THSD7B: variants seen among roughly 807,000 people sequenced by gnomAD.
THSD7B encodes the protein thrombospondin type-1 domain-containing protein 7B.
Under a neutral mutation model 213.6 loss-of-function variants are expected in THSD7B, and 138 were observed. The ratio of observed to expected loss-of-function variants is 0.65; its 90% CI spans 0.56 to 0.74. THSD7B has a LOEUF of 0.74. Among genes scored for constraint, THSD7B ranks in the 30% least tolerant of loss-of-function variants. The pLI, the probability that THSD7B is intolerant of heterozygous loss-of-function variation, is 0.00. For synonymous variants in THSD7B, 742 were observed against 687.0 expected, an observed-to-expected ratio of 1.08 and a Z score of -1.25; for missense variants, 1,931 against 1,991.5, an observed-to-expected ratio of 0.97 and a Z score of 0.58.
At chr2:137,636,729 T>C (rs1174278336) in intron 20 of THSD7B, among the ~76,000 whole-genome samples, 1 of 152,322 alleles carries the variant, frequency 6.6e-6, no homozygotes, top group East Asian at 1.9e-4. Context: ...CTCAGAAGAG[T>C]TAAAGTACTT....
intron 3 of THSD7B, among the ~76,000 whole-genome samples, chr2:137,065,573 A>G (rs1687359901): frequency 1.3e-5 from 2 of 152,070 alleles, no homozygotes; most frequent in South Asian, 2.1e-4. Context: ...GTTGTTTTCA[A>G]GATCTTAAAG....
intron 15 of THSD7B, among the ~76,000 whole-genome samples, chr2:137,524,549 T>C (rs1486629558): frequency 1.3e-5 from 2 of 152,162 alleles, no homozygotes; most frequent in Non-Finnish European, 2.9e-5. Context: ...TTTGCCAAAC[T>C]AATGTTACAG....
At chr2:136,903,960 GTGTGTGTGTGTGTT>G (rs138148989) in intron 2 of THSD7B, among the ~76,000 whole-genome samples, 9,122 of 75,852 alleles carry the variant, frequency 0.12, 404 homozygotes, top group Middle Eastern at 0.31. Flanking sequence ...GTGTGTGTGT[GTGTGTGTGTGTGTT>G]TGTTTGTTTC....
chr2:137,340,639 A>G (rs974686438), intron 12 of THSD7B, among the ~76,000 whole-genome samples: 6 of 151,686 alleles, frequency 4.0e-5, no homozygotes, highest in Non-Finnish European at 7.4e-5. Context: ...TATGGGTTCA[A>G]TTGTTTTAGA....
chr2:137,598,516 A>G (rs1303004144), intron 17 of THSD7B, among the ~76,000 whole-genome samples: 2 of 152,206 alleles, frequency 1.3e-5, no homozygotes, highest in East Asian at 1.9e-4. Context: ...TGGCTTGTAC[A>G]GTAAGTTAGC....
At chr2:137,536,838 G>T (rs1026061739) in intron 15 of THSD7B, among the ~76,000 whole-genome samples, 1 of 151,504 alleles carries the variant, frequency 6.6e-6, no homozygotes. Flanking sequence ...ATTTATTGCC[G>T]CATAGAAATT....
chr2:137,670,920 C>CA lies in THSD7B; in HGVS notation c.4739+3090dup, dbSNP rs530737012. On this transcript the variant is annotated intron_variant, in intron 27 of 27. Transcript: ENST00000409968. Reference sequence around the variant, plus strand: ...TGGGCGACAGAGTGAGACTCCGCCTCAAAAAAAAAAAAAAAAAAAAAAAAA... The same window carrying CA: ...TGGGCGACAGAGTGAGACTCCGCCTCAAAAAAAAAAAAAAAAAAAAAAAAAA... 1.5e-3 allele frequency among the ~76,000 whole-genome samples: 155 copies of CA among 102,798 alleles called. 5 individuals carry two copies. Among genetic ancestry groups the CA allele is most frequent in the African/African-American group, 5.4e-3 (143 of 26,588 alleles). 67.4% of individuals were successfully genotyped at this position (102,798 alleles called of 152,430 possible).
At chr2:137,434,777 G>C (rs1005908931) in intron 14 of THSD7B, among the ~76,000 whole-genome samples, 6 of 152,068 alleles carry the variant, frequency 3.9e-5, no homozygotes, top group African/African-American at 1.2e-4. Context: ...GATGATGTAC[G>C]TCTCCTCTAC....
intron 2 of THSD7B, among the ~76,000 whole-genome samples, chr2:136,968,133 A>G (rs2104797413): frequency 6.6e-6 from 1 of 152,264 alleles, no homozygotes; most frequent in South Asian, 2.1e-4. Flanking sequence ...TTTGTATTTT[A>G]GAATGCACTG....
At chr2:137,287,100 T>A (rs1430143254) in intron 12 of THSD7B, among the ~76,000 whole-genome samples, 1 of 152,110 alleles carries the variant, frequency 6.6e-6, no homozygotes, top group Non-Finnish European at 1.5e-5. Context: ...TATTTATTAT[T>A]TTTGGGGAGA....
intron 2 of THSD7B, among the ~76,000 whole-genome samples, chr2:136,932,995 T>G (rs140559539): frequency 6.6e-6 from 1 of 152,278 alleles, no homozygotes; most frequent in African/African-American, 2.4e-5. Context: ...TTCACAGTGG[T>G]TAAAAGAAAG....
At chr2:137,162,905 A>G (rs1330262506) in intron 6 of THSD7B, among the ~76,000 whole-genome samples, 1 of 152,106 alleles carries the variant, frequency 6.6e-6, no homozygotes, top group Non-Finnish European at 1.5e-5. Context: ...GATTGCAGGC[A>G]TGCGCCACCA....
intron 1 of THSD7B, among the ~76,000 whole-genome samples, chr2:136,824,757 G>T (rs924987840): frequency 6.6e-6 from 1 of 152,168 alleles, no homozygotes; most frequent in Non-Finnish European, 1.5e-5. Flanking sequence ...TTCTTATGCA[G>T]AACTAGTGCT....
chr2:137,342,746 A>G (rs1684789821), intron 12 of THSD7B, among the ~76,000 whole-genome samples: 1 of 151,342 alleles, frequency 6.6e-6, no homozygotes, highest in African/African-American at 2.4e-5. Context: ...TTATCGTGAA[A>G]CTATGCTGAA....
intron 15 of THSD7B, among the ~76,000 whole-genome samples, chr2:137,456,636 C>A (rs1410622142): frequency 6.6e-6 from 1 of 152,178 alleles, no homozygotes. Context: ...ATATGGAAGG[C>A]AGCCCAAACC....
chr2:137,299,795 T>G lies in THSD7B; in HGVS notation c.2500+23769T>G, dbSNP rs1205217104. Among the ~76,000 whole-genome samples, 3 of 152,176 alleles carry G rather than the reference T, an allele frequency of 2.0e-5. No individual in the cohort carries two copies. The East Asian group carries it at 5.8e-4, about 29-fold the overall frequency. ...ATAGTTGCTATTGTACCATGGATTT[T>G]TCTCTATTAAGTATAGGAAATTGAT... On this transcript the variant is annotated intron_variant, in intron 12 of 27. Coordinates refer to ENST00000409968, the MANE Select transcript of THSD7B (RefSeq NM_001316349.2).
At chr2:137,541,309 A>G (rs898789987) in intron 15 of THSD7B, among the ~76,000 whole-genome samples, 5 of 151,724 alleles carry the variant, frequency 3.3e-5, no homozygotes, top group South Asian at 2.1e-4. Flanking sequence ...CACATGGAAA[A>G]AAAAAAATAT....
intron 15 of THSD7B, among the ~76,000 whole-genome samples, chr2:137,514,824 T>G (rs911814761): frequency 3.3e-5 from 5 of 152,180 alleles, no homozygotes; most frequent in Non-Finnish European, 5.9e-5. Context: ...AGGTGTTTGG[T>G]GACTCTAAAC....
rs1391195573 is a variant in THSD7B at position 137,653,496 on chromosome 2, T to C, written c.3946-2005T>C. On this transcript the variant is annotated intron_variant, in intron 21 of 27. Transcript: ENST00000409968. Reference sequence around the variant, plus strand: ...CAAGTTTTGGAAAGTTTTCTGTTGTTTTTTATTTGAATATGTTTTCGACGC... The same window carrying C: ...CAAGTTTTGGAAAGTTTTCTGTTGTCTTTTATTTGAATATGTTTTCGACGC... Among the ~76,000 whole-genome samples, 3 of 151,958 alleles carry C rather than the reference T, an allele frequency of 2.0e-5. No individual in the cohort carries two copies. In the East Asian group the frequency reaches 5.8e-4, roughly 29 times the overall value.
Sources: allele counts gnomAD v4.1 joint callset (sites outside exome capture counted in the v4.1 genomes callset), GRCh38; gene constraint gnomAD v4.1.1; transcripts MANE v1.5; gene names NCBI Gene and HGNC (gene_info 2026-07-23, HGNC 2026-07-21).